NEK11: variants seen among roughly 807,000 people sequenced by gnomAD.
The protein encoded by NEK11 is serine/threonine-protein kinase Nek11.
A neutral mutation model predicts 80.7 loss-of-function variants in NEK11; 72 were observed. That is an observed-to-expected ratio of 0.89 (90% CI 0.74 to 1.08). The LOEUF (loss-of-function observed/expected upper bound fraction) is 1.08, where lower values mean the gene tolerates loss of function less well. Among genes scored for constraint, NEK11 ranks in the 50% least tolerant of loss-of-function variants. The probability of loss-of-function intolerance (pLI) is 0.00; values close to 1 mark genes in which losing one functional copy is unlikely to be tolerated. For synonymous variants in NEK11, 251 were observed against 260.7 expected, an observed-to-expected ratio of 0.96 and a Z score of 0.36; for missense variants, 764 against 763.6, an observed-to-expected ratio of 1.00 and a Z score of -0.01.
chr3:131,061,438 G>A (rs1276166464), intron 3 of NEK11, among the ~76,000 whole-genome samples: 1 of 151,822 alleles, frequency 6.6e-6, no homozygotes, highest in Non-Finnish European at 1.5e-5. Flanking sequence ...TTCTATACCT[G>A]GTAGACCCCA....
intron 4 of NEK11, among the ~76,000 whole-genome samples, chr3:131,108,376 T>A (rs1364873598): frequency 1.3e-5 from 2 of 152,156 alleles, no homozygotes. Context: ...TTGCTCCCCA[T>A]GAATATGATA....
At chr3:131,114,683 A>C (rs1467566658) in intron 5 of NEK11, among the ~76,000 whole-genome samples, 1 of 152,222 alleles carries the variant, frequency 6.6e-6, no homozygotes, top group Non-Finnish European at 1.5e-5. Context: ...GGGACCCCTC[A>C]CTGCAAGGAA....
At chr3:131,039,588 G>A (rs772034805) in intron 3 of NEK11, among the ~76,000 whole-genome samples, 2 of 152,088 alleles carry the variant, frequency 1.3e-5, no homozygotes, top group African/African-American at 2.4e-5. Flanking sequence ...CCTTTTTGAC[G>A]CATGAATGTC....
intron 4 of NEK11, chr3:131,093,070 C>T (rs767566300): frequency 1.3e-5 from 2 of 152,170 alleles, no homozygotes; most frequent in African/African-American, 4.8e-5. Flanking sequence ...GAGTTGCCCA[C>T]ACATATGGTT....
chr3:131,310,734 A>G (rs138867931), intron 17 of NEK11, among the ~76,000 whole-genome samples: 1 of 152,376 alleles, frequency 6.6e-6, no homozygotes, highest in African/African-American at 2.4e-5. Context: ...GTATCTGCAC[A>G]GAAGAATGAC....
At chr3:131,296,996 A>C (rs1288723245) in intron 17 of NEK11, among the ~76,000 whole-genome samples, 3 of 152,146 alleles carry the variant, frequency 2.0e-5, no homozygotes, top group African/African-American at 7.2e-5. Flanking sequence ...TGAACTCATC[A>C]TTTTTTATGG....
chr3:131,121,635 C>G (rs569850066), intron 5 of NEK11, among the ~76,000 whole-genome samples: 260 of 152,326 alleles, frequency 1.7e-3, no homozygotes, highest in African/African-American at 5.9e-3. Flanking sequence ...GGGCTCCACC[C>G]AGTTTGAGCT....
chr3:131,069,910 C>T (rs1021352620), intron 3 of NEK11, among the ~76,000 whole-genome samples: 23 of 150,684 alleles, frequency 1.5e-4, no homozygotes, highest in Admixed American at 6.0e-4. Flanking sequence ...CGCACCAGCA[C>T]GGCACATGTA....
intron 4 of NEK11, among the ~76,000 whole-genome samples, chr3:131,091,504 A>C (rs1302366754): frequency 1.3e-5 from 2 of 152,232 alleles, no homozygotes; most frequent in Non-Finnish European, 2.9e-5. Context: ...TGTCAGACCA[A>C]CAATAAATGT....
At chr3:131,153,496 TTTTG>T (rs1459931476) in intron 9 of NEK11, among the ~76,000 whole-genome samples, 3 of 152,170 alleles carry the variant, frequency 2.0e-5, no homozygotes, top group African/African-American at 7.2e-5. Flanking sequence ...TTTAGAGGGC[TTTTG>T]TTTGTTTTTT....
intron 17 of NEK11, among the ~76,000 whole-genome samples, chr3:131,300,961 C>T: frequency 6.6e-6 from 1 of 152,118 alleles, no homozygotes. Flanking sequence ...ATGTAAATTG[C>T]TTTGGGCAGT....
At chr3:131,346,859 T>C (rs2097371124) in intron 17 of NEK11, among the ~76,000 whole-genome samples, 3 of 152,156 alleles carry the variant, frequency 2.0e-5, no homozygotes, top group African/African-American at 4.8e-5. Context: ...GGTCAATTGA[T>C]ATGATCATGG....
At chr3:131,060,885 C>T (rs946105834) in intron 3 of NEK11, among the ~76,000 whole-genome samples, 2 of 152,186 alleles carry the variant, frequency 1.3e-5, no homozygotes, top group Non-Finnish European at 2.9e-5. Flanking sequence ...TTTTGATGTG[C>T]ATATCCCTGA....
At chr3:131,268,315 G>T (rs1329966162) in intron 16 of NEK11, among the ~76,000 whole-genome samples, 2 of 152,148 alleles carry the variant, frequency 1.3e-5, no homozygotes, top group Non-Finnish European at 2.9e-5. Flanking sequence ...TTCCCTTGCT[G>T]GTGAGGAGTT....
chr3:131,089,181 A>G (rs2076397835), intron 4 of NEK11, among the ~76,000 whole-genome samples: 1 of 152,220 alleles, frequency 6.6e-6, no homozygotes, highest in Non-Finnish European at 1.5e-5. Context: ...AGTTTGTTCC[A>G]TGGACCACCT....
At position 131,313,410 on chromosome 3, in the gene NEK11, T is replaced by G. The variant is rs539012752; in HGVS notation, c.1719-36147T>G. The stretch of plus-strand genomic sequence containing the variant: ...GGAATCTCCACACTGCTTTCCACAA[T>G]GGTTAAACTAATTTACCTCCCACCA... On this transcript the variant is annotated intron_variant, in intron 17 of 17. Transcript: ENST00000383366. Among the ~76,000 whole-genome samples the G allele has an allele frequency of 3.4e-3, 520 of 152,308 alleles. 1 individual carries two copies. The highest frequency in any genetic ancestry group is 0.012 in the African/African-American group (492 of 41,586).
chr3:131,083,584 G>A (rs944230928), intron 4 of NEK11, among the ~76,000 whole-genome samples: 1 of 152,196 alleles, frequency 6.6e-6, no homozygotes, highest in Non-Finnish European at 1.5e-5. Flanking sequence ...ATAGGAAATG[G>A]CAGGTGACCA....
intron 3 of NEK11, among the ~76,000 whole-genome samples, chr3:131,043,172 A>C (rs2066806730): frequency 6.6e-6 from 1 of 152,360 alleles, no homozygotes; most frequent in East Asian, 1.9e-4. Context: ...CAGCGCAAAA[A>C]GGCTGAAAAT....
intron 17 of NEK11, chr3:131,328,993 T>A (rs926729632): frequency 6.6e-6 from 1 of 152,220 alleles, no homozygotes; most frequent in African/African-American, 2.4e-5. Flanking sequence ...GACTTCATTT[T>A]CACTCCAGAT....
Sources: gnomAD v4.1 joint callset for allele counts (sites outside exome capture counted in the v4.1 genomes callset) on GRCh38, gnomAD v4.1.1 for gene constraint, MANE v1.5 for transcripts, NCBI Gene and HGNC (gene_info 2026-07-23, HGNC 2026-07-21) for gene names.